LINC00632: variants seen among roughly 807,000 people sequenced by gnomAD.
LINC00632 encodes the protein long independently transcribed non-coding RNA 632.
intron 3 of LINC00632, among the ~76,000 whole-genome samples, chrX:140,744,658 C>G (rs1181809353): frequency 9.3e-6 from 1 of 107,641 alleles, no homozygotes; most frequent in Non-Finnish European, 1.9e-5. Flanking sequence ...CAACCTCTGC[C>G]TCCCAGGTGC....
intron 2 of LINC00632, among the ~76,000 whole-genome samples, chrX:140,733,685 T>G: frequency 8.9e-6 from 1 of 112,417 alleles, no homozygotes; most frequent in Admixed American, 9.5e-5. Context: ...CAACTTTTTT[T>G]GTAAAGGTAT....
chrX:140,738,558 A>T (rs1569351259), intron 3 of LINC00632, among the ~76,000 whole-genome samples: 2 of 112,135 alleles, frequency 1.8e-5, no homozygotes, highest in Non-Finnish European at 3.8e-5. Context: ...TATTTTGACT[A>T]AACTTGTTTT....
At chrX:140,780,362 TTC>T (rs1931918054) in exon 5 of LINC00632, among the ~76,000 whole-genome samples, 1 of 111,812 alleles carries the variant, frequency 8.9e-6, no homozygotes, top group Non-Finnish European at 1.9e-5. Context: ...GTTTTAGTAT[TTC>T]TTTTTGTTTG....
chrX:140,791,044 G>C (rs1475609376), exon 5 of LINC00632, among the ~76,000 whole-genome samples: 1 of 111,212 alleles, frequency 9.0e-6, no homozygotes, highest in Non-Finnish European at 1.9e-5. Context: ...AATGCAGATT[G>C]ATGTTGATTA....
intron 2 of LINC00632, among the ~76,000 whole-genome samples, chrX:140,729,753 T>C (rs1931025775): frequency 9.0e-6 from 1 of 110,536 alleles, no homozygotes; most frequent in Non-Finnish European, 1.9e-5. Context: ...AGATAGCCTA[T>C]GGTAAAAAGG....
chrX:140,780,955 G>A (rs1931925281), exon 5 of LINC00632, among the ~76,000 whole-genome samples: 1 of 110,155 alleles, frequency 9.1e-6, no homozygotes, highest in South Asian at 3.9e-4. Flanking sequence ...TACGTATCTA[G>A]TAGTCTTTGC....
exon 5 of LINC00632, among the ~76,000 whole-genome samples, chrX:140,790,326 A>G (rs1357492324): frequency 9.0e-6 from 1 of 111,313 alleles, no homozygotes; most frequent in African/African-American, 3.3e-5. Context: ...TACTTATTCA[A>G]TTGAATTATT....
At chrX:140,746,149 G>A (rs1931324410) in intron 3 of LINC00632, among the ~76,000 whole-genome samples, 1 of 112,287 alleles carries the variant, frequency 8.9e-6, no homozygotes, top group African/African-American at 3.2e-5. Flanking sequence ...TGACATTGTG[G>A]AATGATTAAC....
chrX:140,779,410 A>T (rs1931908106), exon 5 of LINC00632, among the ~76,000 whole-genome samples: 1 of 112,356 alleles, frequency 8.9e-6, no homozygotes, highest in African/African-American at 3.2e-5. Context: ...CATTTGGATT[A>T]CATAGCTTCT....
rs533583502 is a variant in LINC00632 at position 140,754,841 on chromosome X, G to T, written n.192-17237G>T. On this transcript the variant is annotated intron_variant and non_coding_transcript_variant, in intron 3 of 4. Transcript: ENST00000648200. Reference sequence around the variant, plus strand: ...ATGTTGATTTCTGATAGCATAGGCTGTTTTTTTTTTAGCCTCACCCTCAAA... The same window carrying T: ...ATGTTGATTTCTGATAGCATAGGCTTTTTTTTTTTTAGCCTCACCCTCAAA... 7.3e-3 allele frequency among the ~76,000 whole-genome samples: 770 copies of T among 104,951 alleles called. 4 individuals are homozygous for T. Among genetic ancestry groups the T allele is most frequent in the Middle Eastern group, 0.02 (4 of 203 alleles). 91.1% of individuals were successfully genotyped at this position (104,951 alleles called of 115,157 possible). A position where few individuals can be genotyped will look rare whatever the true frequency, so the allele number is the denominator to read the frequency against.
chrX:140,785,830 C>T (rs759366180), exon 5 of LINC00632, among the ~76,000 whole-genome samples: 2 of 112,101 alleles, frequency 1.8e-5, no homozygotes, highest in South Asian at 7.5e-4. Context: ...CTTTTACTGA[C>T]TTTTGTCCAG....
exon 4 of LINC00632, among the ~76,000 whole-genome samples, chrX:140,773,169 AAAAAG>A (rs1223345007): frequency 5.5e-5 from 6 of 109,530 alleles, no homozygotes; most frequent in Non-Finnish European, 1.1e-4. Context: ...TCTGTCTCAA[AAAAAG>A]AAAAGAAGAG....
rs772804111 is a variant in LINC00632, at chrX:140,783,629, G to T, written n.11648G>T. 19 of 1,208,376 alleles carry T rather than the reference G, an allele frequency of 1.6e-5. No homozygotes were observed. In the South Asian group the frequency reaches 3.2e-4, roughly 20 times the overall value. ...TCCAGAAAGAAATCCAGGTCTTCCAGTCAATCAGTGTCTTCCAGAAAGAAA... is the reference window on the plus strand; with the variant it reads ...TCCAGAAAGAAATCCAGGTCTTCCATTCAATCAGTGTCTTCCAGAAAGAAA... On this transcript the variant is annotated non_coding_transcript_exon_variant, in exon 5 of 5. Transcript: ENST00000648200.
chrX:140,724,741 T>C (rs1439141211), intron 2 of LINC00632, among the ~76,000 whole-genome samples: 2 of 80,085 alleles, frequency 2.5e-5, no homozygotes, highest in African/African-American at 9.7e-5. Flanking sequence ...CACACACACA[T>C]TCCCTACATA....
At chrX:140,729,539 A>C (rs1376162425) in intron 2 of LINC00632, among the ~76,000 whole-genome samples, 2 of 111,738 alleles carry the variant, frequency 1.8e-5, no homozygotes, top group African/African-American at 6.5e-5. Context: ...CCCACAATAT[A>C]CAGACTGTCA....
At chrX:140,713,413 C>T in intron 2 of LINC00632, 1 of 289,208 alleles carries the variant, frequency 3.5e-6, no homozygotes, top group South Asian at 3.3e-5. Flanking sequence ...TTACTTAAAT[C>T]TCTTCGTTTC....
At chrX:140,731,240 T>A (rs942552049) in intron 2 of LINC00632, among the ~76,000 whole-genome samples, 1 of 111,937 alleles carries the variant, frequency 8.9e-6, no homozygotes, top group Non-Finnish European at 1.9e-5. Flanking sequence ...TTTGTAAACA[T>A]GGATGCAATA....
chrX:140,783,332 C>CCGGA, exon 5 of LINC00632: 1 of 408,643 alleles, frequency 2.4e-6, no homozygotes, highest in South Asian at 4.8e-5. Context: ...TCCATGTCTT[C>CCGGA]CAAGAAGCTC....
intron 2 of LINC00632, among the ~76,000 whole-genome samples, chrX:140,716,917 A>G (rs893164318): frequency 1.3e-4 from 14 of 111,003 alleles, no homozygotes. Flanking sequence ...CCTGCTCTTC[A>G]CAAACATGTT....
Sources: gnomAD v4.1 joint callset for allele counts (sites outside exome capture counted in the v4.1 genomes callset) on GRCh38, gnomAD v4.1.1 for gene constraint, MANE v1.5 for transcripts, NCBI Gene and HGNC (gene_info 2026-07-23, HGNC 2026-07-21) for gene names.